Variants in GPHN observed in about 807,000 individuals in gnomAD.
GPHN encodes gephyrin.
Under a neutral mutation model 95.5 loss-of-function variants are expected in GPHN, and 17 were observed. That is an observed-to-expected ratio of 0.18 (90% CI 0.12 to 0.27). The LOEUF (loss-of-function observed/expected upper bound fraction) is 0.27, where lower values mean the gene tolerates loss of function less well. Among genes scored for constraint, GPHN ranks in the 10% least tolerant of loss-of-function variants. The pLI is 1.00. For missense variants in GPHN, 660 were observed against 978.1 expected (o/e 0.67, Z 4.34); for synonymous variants, 320 against 322.5 (o/e 0.99, Z 0.08).
the GPHN span, among the ~76,000 whole-genome samples, chr14:67,717,268 C>T: frequency 3.9e-5 from 6 of 152,188 alleles, no homozygotes; most frequent in Admixed American, 1.3e-4. Context: ...ATTTCCATCA[C>T]CTCAGAAAGC....
intron 3 of GPHN, among the ~76,000 whole-genome samples, chr14:66,795,874 ATTAAG>A (rs920861164): frequency 1.3e-5 from 2 of 152,150 alleles, no homozygotes; most frequent in African/African-American, 4.8e-5. Context: ...TAAATAGATA[ATTAAG>A]TTAATTTCTG....
At chr14:67,203,345 C>T in the GPHN span, 1 of 1,417,040 alleles carries the variant, frequency 7.1e-7, no homozygotes, top group Non-Finnish European at 9.5e-7. Flanking sequence ...GTGCATTAGC[C>T]CTGTGGATCT....
the GPHN span, chr14:67,199,929 C>G: frequency 6.8e-7 from 1 of 1,461,544 alleles, no homozygotes; most frequent in Non-Finnish European, 9.2e-7. Context: ...GTCATGGACA[C>G]TCCCAAGCTC....
chr14:66,769,171 A>C (rs1445984881), intron 2 of GPHN, among the ~76,000 whole-genome samples: 1 of 152,068 alleles, frequency 6.6e-6, no homozygotes, highest in African/African-American at 2.4e-5. Context: ...GAGTACCTAC[A>C]ATAATTACCA....
chr14:66,761,439 TG>T (rs1330902855), intron 2 of GPHN, among the ~76,000 whole-genome samples: 1 of 152,180 alleles, frequency 6.6e-6, no homozygotes, highest in African/African-American at 2.4e-5. Context: ...TGTATGACAG[TG>T]TCAAATATTA....
Position 66,853,189 on chromosome 14 carries a change from A to G in GPHN, c.295-26750A>G, listed in dbSNP as rs1487366317. 2.6e-5 allele frequency among the ~76,000 whole-genome samples: 4 copies of G among 152,356 alleles called. No homozygotes were observed. The East Asian group carries it at 7.7e-4, about 29-fold the overall frequency. The stretch of plus-strand genomic sequence containing the variant: ...ATTTTATTGTAGATTTTTAAAAATC[A>G]AGTAAAGAGTAATCTTTATACTAAT... On this transcript the variant is annotated intron_variant, in intron 4 of 22. Coordinates refer to ENST00000478722, the MANE Select transcript of GPHN (RefSeq NM_020806.5).
chr14:67,215,284 C>T, the GPHN span, among the ~76,000 whole-genome samples: 1 of 152,066 alleles, frequency 6.6e-6, no homozygotes, highest in Non-Finnish European at 1.5e-5. Context: ...GGACTAGGAG[C>T]TCAAAAAGAT....
the GPHN span, chr14:67,302,164 G>C: frequency 6.5e-7 from 1 of 1,531,546 alleles, no homozygotes; most frequent in East Asian, 2.4e-5. Flanking sequence ...TTTTTCTGCT[G>C]TTGTGTGCTT....
chr14:67,574,144 G>T, the GPHN span: 1 of 1,113,996 alleles, frequency 9.0e-7, no homozygotes. This position sits in a 1 kb window ranked among gnomAD's most constrained non-coding sequence, Gnocchi z 4.2. Flanking sequence ...CAGAAGGCCA[G>T]CCCCTTGGGT....
At chr14:67,129,838 GAGGAAGGA>G (rs377188375) in intron 17 of GPHN, among the ~76,000 whole-genome samples, 1 of 148,436 alleles carries the variant, frequency 6.7e-6, no homozygotes, top group Non-Finnish European at 1.5e-5. Context: ...GAGAGGGAGG[GAGGAAGGA>G]AGGAAGGAAG....
chr14:66,877,007 A>G (rs1028116153), intron 4 of GPHN, among the ~76,000 whole-genome samples: 7 of 152,084 alleles, frequency 4.6e-5, no homozygotes, highest in African/African-American at 1.7e-4. Flanking sequence ...ATACTAAACC[A>G]AATCCAGCAG....
chr14:66,906,058 C>T (rs1369640149), intron 5 of GPHN, among the ~76,000 whole-genome samples: 1 of 150,868 alleles, frequency 6.6e-6, no homozygotes, highest in Non-Finnish European at 1.5e-5. Context: ...CCAGGTTCAC[C>T]TAAGCTCTAG....
chr14:67,179,536 T>A (rs1403321834), intron 21 of GPHN, 42 bp from the exon 22 acceptor site: 1 of 1,101,796 alleles, frequency 9.1e-7, no homozygotes. Context: ...TGTGAGATGA[T>A]CAGGTGACCA....
chr14:67,028,560 A>G (rs1275142483), intron 10 of GPHN, among the ~76,000 whole-genome samples: 2 of 152,094 alleles, frequency 1.3e-5, no homozygotes, highest in African/African-American at 4.8e-5. Context: ...TAGCCATTCT[A>G]ACTGGAGCCG....
At chr14:67,276,605 C>T in the GPHN span, among the ~76,000 whole-genome samples, 1 of 152,146 alleles carries the variant, frequency 6.6e-6, no homozygotes, top group Admixed American at 6.6e-5. Context: ...ACCCCTGTCT[C>T]TAACAAATTT....
chr14:67,517,867 C>G, the GPHN span, among the ~76,000 whole-genome samples: 1,729 of 152,302 alleles, frequency 0.011, 10 homozygotes, highest in Non-Finnish European at 0.018. Context: ...AAACTCAGGT[C>G]TTCTGGTACC....
At chr14:66,824,610 C>T (rs755750169) in intron 4 of GPHN, 44 bp downstream of exon 4, 2 of 901,422 alleles carry the variant, frequency 2.2e-6, no homozygotes, top group East Asian at 2.5e-5. Context: ...TTAAACTAAT[C>T]ATGGTTTTTT....
At chr14:67,069,785 A>G (rs1240797870) in intron 11 of GPHN, among the ~76,000 whole-genome samples, 1 of 152,240 alleles carries the variant, frequency 6.6e-6, no homozygotes, top group Non-Finnish European at 1.5e-5. Flanking sequence ...CACCCAGGTC[A>G]TTCAGGAATA....
At chr14:67,192,880 A>G in the GPHN span, among the ~76,000 whole-genome samples, 2 of 146,650 alleles carry the variant, frequency 1.4e-5, no homozygotes, top group Non-Finnish European at 3.0e-5. Flanking sequence ...ATATATAGAT[A>G]TATATCTAGA....
Sources: gnomAD v4.1 joint callset for allele counts (sites outside exome capture counted in the v4.1 genomes callset) on GRCh38, gnomAD v4.1.1 for gene constraint, Gnocchi (gnomAD v3.1) non-coding constraint, MANE v1.5 for transcripts, NCBI Gene and HGNC (gene_info 2026-07-23, HGNC 2026-07-21) for gene names.